Variants in ITIH6 observed in about 807,000 individuals in gnomAD.
ITIH6 encodes the protein inter-alpha-trypsin inhibitor heavy chain family member 6, also known as inter-alpha-trypsin inhibitor heavy chain H6.
Under a neutral mutation model 58.2 loss-of-function variants are expected in ITIH6, and 60 were observed. The observed-to-expected ratio is 1.03, with a 90% CI of 0.84 to 1.28. The LOEUF (loss-of-function observed/expected upper bound fraction) is 1.28. Among genes scored for constraint, ITIH6 ranks in the 50% most tolerant of loss-of-function variants. The pLI is 0.00. For synonymous variants in ITIH6, 493 were observed against 417.4 expected (o/e 1.18, Z -2.21); for missense variants, 1,290 against 1,021.1 (o/e 1.26, Z -3.59).
chrX:54,767,402 CT>C (rs1405010046), intron 6 of ITIH6, among the ~76,000 whole-genome samples: 3 of 105,607 alleles, frequency 2.8e-5, no homozygotes, highest in Non-Finnish European at 5.7e-5. Context: ...CAGTTCTGCT[CT>C]GATTTTAGTT....
intron 6 of ITIH6, among the ~76,000 whole-genome samples, chrX:54,771,836 A>AC (rs1296363678): frequency 1.8e-5 from 2 of 112,072 alleles, no homozygotes; most frequent in African/African-American, 6.5e-5. Context: ...AGTTAAAAAA[A>AC]AACAACAACA....
intron 5 of ITIH6, among the ~76,000 whole-genome samples, chrX:54,784,189 A>ATT (rs1929201177): frequency 8.9e-6 from 1 of 111,964 alleles, no homozygotes; most frequent in Non-Finnish European, 1.9e-5. Context: ...TCAAATCAAA[A>ATT]TTGATTAAAG....
chrX:54,780,968 C>G (rs1188049795), intron 5 of ITIH6, among the ~76,000 whole-genome samples: 1 of 110,959 alleles, frequency 9.0e-6, no homozygotes, highest in Non-Finnish European at 1.9e-5. Context: ...TTTCAACAAA[C>G]CTGACAAAAA....
At chrX:54,797,726 G>T (rs1602070014) in intron 1 of ITIH6, among the ~76,000 whole-genome samples, 1 of 111,308 alleles carries the variant, frequency 9.0e-6, no homozygotes, top group Non-Finnish European at 1.9e-5. Flanking sequence ...TTGAGGCAAT[G>T]GTCCCTCTAT....
intron 9 of ITIH6, 64 bp from the exon 10 acceptor site, chrX:54,754,029 GACAT>G (rs1292477184): frequency 9.1e-7 from 1 of 1,099,344 alleles, no homozygotes; most frequent in African/African-American, 1.8e-5. Context: ...GGAATTCTGG[GACAT>G]ACTCCCAGAT....
chrX:54,759,315 C>A (rs1366210744), intron 7 of ITIH6, among the ~76,000 whole-genome samples: 2 of 111,483 alleles, frequency 1.8e-5, no homozygotes, highest in East Asian at 2.8e-4. Flanking sequence ...AGCACCCCCC[C>A]CTCCAACCTT....
chrX:54,751,386 G>T lies in ITIH6; in HGVS notation c.3353-6C>A, dbSNP rs757557406. 42 of 1,206,757 alleles carry T rather than the reference G, an allele frequency of 3.5e-5. No individual in the cohort carries two copies. Among genetic ancestry groups the T allele is most frequent in the Non-Finnish European group, 4.6e-5 (41 of 892,949 alleles). The stretch of plus-strand genomic sequence containing the variant: ...CTTCCCACTCACATGCAGCCCTGGA[G>T]GGAGGGGAGTGTGGGCCTGGAGCGG... On this transcript the variant is annotated splice_polypyrimidine_tract_variant and splice_region_variant and intron_variant, in intron 11 of 12. Coordinates refer to ENST00000218436, the MANE Select transcript of ITIH6 (RefSeq NM_198510.3).
intron 6 of ITIH6, among the ~76,000 whole-genome samples, chrX:54,773,750 G>A (rs768067066): frequency 8.1e-5 from 9 of 110,788 alleles, no homozygotes; most frequent in Non-Finnish European, 1.5e-4. Flanking sequence ...AAGACTCAGA[G>A]TCTTTCTCAC....
In ITIH6 at chrX:54,788,570, T is replaced by C; in HGVS notation, c.696A>G (p.Gln232=). ...CTGACCCAGAGATGGACGACTGGTC[T>C]TGCAATGTCGGGCAGTAGGTGATTC... The part of the protein sequence containing the change: ...CVRITYCPTL[Q]DQSSISGSGI... The change falls in exon 5 of 13, where the codon CAA becomes CAG. Residue 232 remains glutamine (Q), a synonymous_variant. Coordinates refer to ENST00000218436, the MANE Select transcript of ITIH6 (RefSeq NM_198510.3). 8.3e-7 allele frequency: 1 copy of C among 1,209,933 alleles called. No homozygotes were observed. Among genetic ancestry groups the C allele is most frequent in the Non-Finnish European group, 1.1e-6 (1 of 894,179 alleles).
intron 6 of ITIH6, among the ~76,000 whole-genome samples, chrX:54,764,078 A>G (rs1169743648): frequency 9.0e-6 from 1 of 111,546 alleles, no homozygotes; most frequent in African/African-American, 3.3e-5. Context: ...ATTTATCTGC[A>G]TCTTTATATT....
chrX:54,766,246 G>T (rs1309761617), intron 6 of ITIH6, among the ~76,000 whole-genome samples: 8 of 105,897 alleles, frequency 7.6e-5, no homozygotes, highest in African/African-American at 2.8e-4. Context: ...TTTGTATCCT[G>T]AGACTTTGCT....
chrX:54,751,489 G>T (rs1928360925), intron 11 of ITIH6, 109 bp from the exon 12 acceptor site: 4 of 897,244 alleles, frequency 4.5e-6, no homozygotes. Context: ...CTAGAGGGCC[G>T]ACTCCTGAGA....
intron 4 of ITIH6, 101 bp from the exon 5 acceptor site, chrX:54,788,750 A>G: frequency 1.5e-6 from 1 of 671,143 alleles, no homozygotes; most frequent in Non-Finnish European, 2.3e-6. Context: ...GGGGAGGGTG[A>G]GAAGTCTAAC....
chrX:54,769,423 G>T (rs1439195960), intron 6 of ITIH6, among the ~76,000 whole-genome samples: 1 of 103,232 alleles, frequency 9.7e-6, no homozygotes, highest in Non-Finnish European at 2.0e-5. Flanking sequence ...TGCTGGTGAG[G>T]AACTGCGTTC....
At chrX:54,792,799 A>C (rs1269877566) in intron 2 of ITIH6, among the ~76,000 whole-genome samples, 3 of 112,051 alleles carry the variant, frequency 2.7e-5, no homozygotes, top group African/African-American at 9.7e-5. Flanking sequence ...TCTTCAGGAA[A>C]GGGTCCTAGA....
chrX:54,758,723 G>A lies in ITIH6; in HGVS notation c.1351C>T (p.Arg451Cys), dbSNP rs758361448. The stretch of plus-strand genomic sequence containing the variant: ...GCCGCATCAGTGTCCTCATATATGC[G>A]CCGGGCTATTCCCCGGTTTTCCAGG... ...LSLENRGIAR[R>C]IYEDTDAALQ... The change falls in exon 8 of 13, where the codon CGC (arginine) becomes TGC (cysteine). Residue 451 changes from arginine (R) to cysteine (C), a missense_variant. Coordinates refer to ENST00000218436, the MANE Select transcript of ITIH6 (RefSeq NM_198510.3). 49 of 1,209,463 alleles carry A rather than the reference G, an allele frequency of 4.1e-5. No individual in the cohort carries two copies. The South Asian group carries it at 6.5e-4, about 16-fold the overall frequency.
rs373790987 is a variant in ITIH6, at chrX:54,790,582, AT to A, written c.616+254del. Among the ~76,000 whole-genome samples the A allele has an allele frequency of 2.8e-3, 284 of 102,699 alleles. 2 individuals carry two copies. Among genetic ancestry groups the A allele is most frequent in the East Asian group, 5.5e-3 (18 of 3,295 alleles). The allele number at this position is 102,699 out of a possible 115,157, so 89.2% of individuals were successfully genotyped here. Reference sequence around the variant, plus strand: ...CCCAACAAACCCTCCCTTATCACTGATTTTTTTTTTTTTAGGGAAATCAAGA... The same window carrying A: ...CCCAACAAACCCTCCCTTATCACTGATTTTTTTTTTTTAGGGAAATCAAGA... On this transcript the variant is annotated intron_variant, in intron 4 of 12. Coordinates refer to ENST00000218436, the MANE Select transcript of ITIH6 (RefSeq NM_198510.3).
intron 7 of ITIH6, 93 bp downstream of exon 7, chrX:54,759,663 G>C: frequency 1.5e-6 from 1 of 689,536 alleles, no homozygotes; most frequent in Non-Finnish European, 2.1e-6. Flanking sequence ...GGAACTGTGA[G>C]AGTTGAGGAG....
At chrX:54,780,135 G>C (rs780376252) in intron 5 of ITIH6, among the ~76,000 whole-genome samples, 3 of 111,965 alleles carry the variant, frequency 2.7e-5, no homozygotes, top group African/African-American at 9.7e-5. Context: ...AAATCAACAA[G>C]GAAACATCAG....
Sources: allele counts gnomAD v4.1 joint callset (sites outside exome capture counted in the v4.1 genomes callset), GRCh38; gene constraint gnomAD v4.1.1; transcripts MANE v1.5; gene names NCBI Gene and HGNC (gene_info 2026-07-23, HGNC 2026-07-21).